CEP57L1: variants seen among roughly 807,000 people sequenced by gnomAD.
The protein encoded by CEP57L1 is centrosomal protein 57 like 1.
Under a neutral mutation model 61.0 loss-of-function variants are expected in CEP57L1, and 37 were observed. That is an observed-to-expected ratio of 0.61 (90% CI 0.47 to 0.80). The LOEUF is 0.80. Among genes scored for constraint, CEP57L1 ranks in the 30% least tolerant of loss-of-function variants. The pLI is 0.00. For synonymous variants in CEP57L1, 137 were observed against 162.3 expected (o/e 0.84, Z 1.19); for missense variants, 422 against 524.7 (o/e 0.80, Z 1.91).
intron 7 of CEP57L1, chr6:109,158,402 T>C (rs1773419439): frequency 7.0e-6 from 2 of 286,020 alleles, no homozygotes; most frequent in South Asian, 6.1e-5. Flanking sequence ...AGCAGGAGAA[T>C]CGCTTGAGCC....
intron 1 of CEP57L1, among the ~76,000 whole-genome samples, chr6:109,098,441 C>T (rs907609026): frequency 6.6e-5 from 10 of 151,834 alleles, no homozygotes; most frequent in African/African-American, 1.2e-4. Context: ...CCACCGTGCC[C>T]GGCCTCTTTC....
chr6:109,160,328 A>C (rs1195603786), intron 9 of CEP57L1, among the ~76,000 whole-genome samples: 1 of 152,208 alleles, frequency 6.6e-6, no homozygotes. Context: ...AGCATCAGGA[A>C]TTCAGATGTT....
intron 1 of CEP57L1, among the ~76,000 whole-genome samples, chr6:109,141,725 T>C (rs928102406): frequency 5.9e-5 from 9 of 152,014 alleles, no homozygotes; most frequent in African/African-American, 1.9e-4. Flanking sequence ...TAATAAGATA[T>C]AATAAGTTAT....
chr6:109,099,799 C>T (rs555425513), intron 1 of CEP57L1, among the ~76,000 whole-genome samples: 6 of 152,262 alleles, frequency 3.9e-5, no homozygotes, highest in African/African-American at 7.2e-5. Context: ...CCACCCGCCT[C>T]GGCCTCCCAA....
intron 1 of CEP57L1, among the ~76,000 whole-genome samples, chr6:109,107,396 T>C (rs978651509): frequency 2.0e-5 from 3 of 152,152 alleles, no homozygotes; most frequent in African/African-American, 7.2e-5. Context: ...ATCAGAACTT[T>C]TTATATTTTC....
At chr6:109,110,840 G>C (rs1242109702) in intron 1 of CEP57L1, among the ~76,000 whole-genome samples, 1 of 152,150 alleles carries the variant, frequency 6.6e-6, no homozygotes, top group Non-Finnish European at 1.5e-5. Flanking sequence ...GGTTGTAGAT[G>C]TGTGGCGTTA....
At chr6:109,121,560 T>C (rs780612284) in intron 1 of CEP57L1, among the ~76,000 whole-genome samples, 3 of 152,192 alleles carry the variant, frequency 2.0e-5, no homozygotes, top group African/African-American at 4.8e-5. Flanking sequence ...ATACCAAATG[T>C]CAGACTAGGA....
At chr6:109,095,676 C>T (rs1781604410) in intron 1 of CEP57L1, 101 bp downstream of exon 1, 8 of 755,092 alleles carry the variant, frequency 1.1e-5, no homozygotes, top group Admixed American at 6.3e-5. Flanking sequence ...GGTGGCCTCC[C>T]TTAGTCCAAG....
intron 5 of CEP57L1, among the ~76,000 whole-genome samples, chr6:109,154,800 T>C (rs1455211747): frequency 6.6e-6 from 1 of 152,100 alleles, no homozygotes; most frequent in Admixed American, 6.6e-5. Context: ...ATTTCTATTA[T>C]GTCTTTTCAC....
At chr6:109,127,643 A>G (rs1055625176) in intron 1 of CEP57L1, among the ~76,000 whole-genome samples, 11 of 149,664 alleles carry the variant, frequency 7.3e-5, no homozygotes, top group African/African-American at 2.7e-4. Flanking sequence ...TTTTTTGGAG[A>G]CTGAGTCTCC....
intron 7 of CEP57L1, 23 bp from the exon 8 acceptor site, chr6:109,159,002 G>T (rs371342668): frequency 1.3e-6 from 2 of 1,585,794 alleles, no homozygotes; most frequent in South Asian, 2.3e-5. Flanking sequence ...TCTTGTTTAC[G>T]TTTTTTTCTT....
intron 1 of CEP57L1, among the ~76,000 whole-genome samples, chr6:109,140,119 G>T (rs776524160): frequency 3.3e-5 from 5 of 152,022 alleles, no homozygotes; most frequent in Non-Finnish European, 7.4e-5. Flanking sequence ...TTGAGATGGA[G>T]TCTCACTCTG....
intron 1 of CEP57L1, among the ~76,000 whole-genome samples, chr6:109,108,241 C>CTTT (rs1056595278): frequency 7.2e-6 from 1 of 137,996 alleles, no homozygotes; most frequent in African/African-American, 2.6e-5. Flanking sequence ...ACATTTTTCT[C>CTTT]TTTTTTTTTT....
At chr6:109,133,581 G>A (rs1448940242) in intron 1 of CEP57L1, among the ~76,000 whole-genome samples, 3 of 152,060 alleles carry the variant, frequency 2.0e-5, no homozygotes, top group African/African-American at 7.2e-5. Flanking sequence ...AACTGAAGGA[G>A]ATAGAGACAC....
chr6:109,102,197 T>C (rs1375059938), intron 1 of CEP57L1, among the ~76,000 whole-genome samples: 2 of 152,148 alleles, frequency 1.3e-5, no homozygotes, highest in African/African-American at 2.4e-5. Context: ...TTATTACTGT[T>C]GAGTGTTTTT....
intron 1 of CEP57L1, among the ~76,000 whole-genome samples, chr6:109,105,370 A>G (rs1770803037): frequency 6.6e-6 from 1 of 152,166 alleles, no homozygotes; most frequent in South Asian, 2.1e-4. Flanking sequence ...GAGTAGAGAT[A>G]TATGTTTATA....
rs1296025975 is a variant in CEP57L1, at chr6:109,100,714, A to G, written c.-4+5139A>G. On this transcript the variant is annotated intron_variant, in intron 1 of 10. Coordinates refer to ENST00000517392, the MANE Select transcript of CEP57L1 (RefSeq NM_001271852.3). ...AAAAGAAGAAAGAAAGAAAGTTTAC[A>G]GAATCTGTAGCCTAGGAAATGTAAT... Among the ~76,000 whole-genome samples, 3 of 151,900 alleles carry G rather than the reference A, an allele frequency of 2.0e-5. No homozygotes were observed. In the East Asian group the frequency reaches 5.8e-4, roughly 29 times the overall value.
At chr6:109,149,673 G>A (rs1772375386) in intron 3 of CEP57L1, among the ~76,000 whole-genome samples, 1 of 152,110 alleles carries the variant, frequency 6.6e-6, no homozygotes. Flanking sequence ...TTGGTAGCTT[G>A]ATGGGGATGG....
At chr6:109,109,863 A>G (rs1224706332) in intron 1 of CEP57L1, among the ~76,000 whole-genome samples, 1 of 152,224 alleles carries the variant, frequency 6.6e-6, no homozygotes, top group Admixed American at 6.5e-5. Flanking sequence ...TGTAAAGGAC[A>G]TGAACTCATT....
Sources: gnomAD v4.1 joint callset for allele counts (sites outside exome capture counted in the v4.1 genomes callset) on GRCh38, gnomAD v4.1.1 for gene constraint, MANE v1.5 for transcripts, NCBI Gene and HGNC (gene_info 2026-07-23, HGNC 2026-07-21) for gene names.